Variants in HPSE2 observed in about 807,000 individuals in gnomAD.
HPSE2 encodes the protein inactive heparanase-2.
A neutral mutation model predicts 60.5 loss-of-function variants in HPSE2; 38 were observed. The ratio of observed to expected loss-of-function variants is 0.63; its 90% CI spans 0.48 to 0.82. The LOEUF is 0.82. HPSE2 is among the 40% of genes least tolerant of loss of function. The pLI, the probability that HPSE2 is intolerant of heterozygous loss-of-function variation, is 0.00. For synonymous variants in HPSE2, 295 were observed against 293.2 expected, an observed-to-expected ratio of 1.01 and a Z score of -0.06; for missense variants, 713 against 740.4, an observed-to-expected ratio of 0.96 and a Z score of 0.43.
chr10:99,199,137 T>G (rs1848494452), intron 2 of HPSE2, among the ~76,000 whole-genome samples: 1 of 152,214 alleles, frequency 6.6e-6, no homozygotes, highest in African/African-American at 2.4e-5. Flanking sequence ...TGAATATTGT[T>G]GCAAGGAACA....
intron 2 of HPSE2, among the ~76,000 whole-genome samples, chr10:99,149,253 T>A (rs1846171066): frequency 1.3e-5 from 2 of 152,250 alleles, no homozygotes; most frequent in South Asian, 4.1e-4. Flanking sequence ...GACTACTTCA[T>A]GAAGGAGTAA....
At chr10:98,577,442 C>T (rs1041127971) in intron 9 of HPSE2, among the ~76,000 whole-genome samples, 1 of 152,152 alleles carries the variant, frequency 6.6e-6, no homozygotes, top group Non-Finnish European at 1.5e-5. Flanking sequence ...TGTTATTGCT[C>T]TGTGGTATTC....
At chr10:98,600,916 T>TATGTGTGTGTGTATATAA in intron 9 of HPSE2, among the ~76,000 whole-genome samples, 1 of 34,122 alleles carries the variant, frequency 2.9e-5, no homozygotes, top group Admixed American at 3.7e-4. Context: ...TGTGTGTATA[T>TATGTGTGTGTGTATATAA]ATATATATAT....
chr10:99,240,411 T>C (rs1396868798), upstream of HPSE2, among the ~76,000 whole-genome samples: 1 of 140,458 alleles, frequency 7.1e-6, no homozygotes, highest in African/African-American at 2.5e-5. Context: ...ATGATTTTCT[T>C]TTTTTTTTTT....
chr10:98,592,011 TCAAA>T (rs1945105661), intron 9 of HPSE2, among the ~76,000 whole-genome samples: 2 of 152,204 alleles, frequency 1.3e-5, no homozygotes, highest in South Asian at 4.1e-4. Context: ...ATTTACAGCT[TCAAA>T]CAGATTGTGT....
intron 3 of HPSE2, among the ~76,000 whole-genome samples, chr10:98,925,709 A>T (rs1385061277): frequency 1.3e-5 from 2 of 152,142 alleles, no homozygotes; most frequent in African/African-American, 4.8e-5. Flanking sequence ...TAGGACACAA[A>T]TTTTTTATGA....
chr10:99,217,693 A>G (rs923128910), intron 2 of HPSE2, among the ~76,000 whole-genome samples: 1 of 151,886 alleles, frequency 6.6e-6, no homozygotes. Context: ...GGCTAAAGCA[A>G]TCCTCCCGCC....
chr10:99,080,218 T>C (rs1373284366), intron 3 of HPSE2, among the ~76,000 whole-genome samples: 1 of 152,000 alleles, frequency 6.6e-6, no homozygotes, highest in Admixed American at 6.6e-5. Flanking sequence ...TTTAAAAAAA[T>C]TCTGTTTGAG....
At chr10:99,028,268 A>G (rs1367587141) in intron 3 of HPSE2, among the ~76,000 whole-genome samples, 1 of 152,212 alleles carries the variant, frequency 6.6e-6, no homozygotes, top group Non-Finnish European at 1.5e-5. Flanking sequence ...ACTAAAATAT[A>G]TTATTGGAAC....
intron 3 of HPSE2, among the ~76,000 whole-genome samples, chr10:99,077,720 ATG>A (rs71009723): frequency 0.8 from 121,078 of 150,988 alleles, 50,714 homozygotes; most frequent in South Asian, 0.94. Flanking sequence ...GTGTATATAT[ATG>A]TGTGTGTGTG....
chr10:98,783,039 A>C (rs1950518231), intron 3 of HPSE2, among the ~76,000 whole-genome samples: 1 of 103,460 alleles, frequency 9.7e-6, no homozygotes, highest in Non-Finnish European at 1.9e-5. Flanking sequence ...CGCTGCACCC[A>C]CTAACGTGTC....
intron 3 of HPSE2, among the ~76,000 whole-genome samples, chr10:99,057,790 C>T (rs1350867734): frequency 6.6e-6 from 1 of 152,170 alleles, no homozygotes; most frequent in African/African-American, 2.4e-5. Context: ...CAAAAATACA[C>T]GCATGAATTC....
At chr10:98,833,806 T>C (rs1453707897) in intron 3 of HPSE2, among the ~76,000 whole-genome samples, 4 of 152,114 alleles carry the variant, frequency 2.6e-5, no homozygotes, top group African/African-American at 9.7e-5. Context: ...CTTTTGAGCC[T>C]AGACCTTTAA....
chr10:98,499,120 C>T (rs189215880), intron 9 of HPSE2, among the ~76,000 whole-genome samples: 1 of 152,058 alleles, frequency 6.6e-6, no homozygotes, highest in Non-Finnish European at 1.5e-5. Flanking sequence ...TTGCTAGAGA[C>T]CTAAACACCC....
intron 3 of HPSE2, among the ~76,000 whole-genome samples, chr10:98,887,931 T>TAATAAA (rs2134914196): frequency 6.7e-6 from 1 of 149,876 alleles, no homozygotes; most frequent in African/African-American, 2.4e-5. Flanking sequence ...ATAATAATAA[T>TAATAAA]AATAAAATAA....
chr10:98,797,225 T>G (rs2134507619), intron 3 of HPSE2, among the ~76,000 whole-genome samples: 1 of 152,076 alleles, frequency 6.6e-6, no homozygotes, highest in East Asian at 1.9e-4. Context: ...TTAAGCAAAC[T>G]CGAAAGAAAT....
At chr10:98,988,090 A>G (rs1440598534) in intron 3 of HPSE2, among the ~76,000 whole-genome samples, 1 of 152,250 alleles carries the variant, frequency 6.6e-6, no homozygotes, top group Non-Finnish European at 1.5e-5. Flanking sequence ...TATAGATTCA[A>G]TGCCATCCCC....
chr10:99,299,381 T>C, the HPSE2 span, among the ~76,000 whole-genome samples: 108 of 152,222 alleles, frequency 7.1e-4, no homozygotes, highest in Non-Finnish European at 1.4e-3. Flanking sequence ...ATATGTGCCT[T>C]TTCCCATGTT....
chr10:98,900,949 C>A (rs1345026854), intron 3 of HPSE2, among the ~76,000 whole-genome samples: 4 of 152,046 alleles, frequency 2.6e-5, no homozygotes, highest in African/African-American at 9.7e-5. Flanking sequence ...CTGGAAACAA[C>A]CCAAATGTCC....
Sources: gnomAD v4.1 joint callset for allele counts (sites outside exome capture counted in the v4.1 genomes callset) on GRCh38, gnomAD v4.1.1 for gene constraint, MANE v1.5 for transcripts, NCBI Gene and HGNC (gene_info 2026-07-23, HGNC 2026-07-21) for gene names.